NELL1: variants seen among roughly 807,000 people sequenced by gnomAD.
The protein encoded by NELL1 is neural EGFL like 1, also known as protein kinase C-binding protein NELL1.
NELL1 carries 76 observed loss-of-function variants against 107.4 expected under a neutral mutation model. The ratio of observed to expected loss-of-function variants is 0.71; its 90% CI spans 0.59 to 0.86. NELL1 has a LOEUF of 0.86. Among genes scored for constraint, NELL1 ranks in the 40% least tolerant of loss-of-function variants. The pLI is 0.00. For synonymous variants in NELL1, 353 were observed against 341.2 expected (o/e 1.03, Z -0.38); for missense variants, 1,024 against 1,005.5 (o/e 1.02, Z -0.25).
chr11:21,415,660 T>A (rs1229871287), intron 15 of NELL1, among the ~76,000 whole-genome samples: 2 of 152,070 alleles, frequency 1.3e-5, no homozygotes, highest in Non-Finnish European at 2.9e-5. Context: ...GACAGCTGAG[T>A]ACCCAGGCTG....
intron 15 of NELL1, among the ~76,000 whole-genome samples, chr11:21,466,319 G>A (rs1341783709): frequency 2.6e-5 from 4 of 152,094 alleles, no homozygotes. Context: ...TAGGTCTAGA[G>A]GGACATACAG....
At chr11:20,963,852 C>T (rs1299145411) in intron 12 of NELL1, among the ~76,000 whole-genome samples, 1 of 152,100 alleles carries the variant, frequency 6.6e-6, no homozygotes, top group Admixed American at 6.6e-5. Flanking sequence ...ATTGTCCAGG[C>T]CATCTTGAAA....
At chr11:21,256,770 G>T (rs1858779906) in intron 14 of NELL1, among the ~76,000 whole-genome samples, 3 of 152,056 alleles carry the variant, frequency 2.0e-5, no homozygotes, top group Admixed American at 1.3e-4. Flanking sequence ...TGAGTGTCTG[G>T]CTCTCCCAGA....
intron 2 of NELL1, among the ~76,000 whole-genome samples, chr11:20,762,558 T>G (rs555822538): frequency 1.6e-4 from 25 of 152,212 alleles, no homozygotes; most frequent in Non-Finnish European, 2.9e-4. Flanking sequence ...TTTGAAAAAG[T>G]TGCATGGAAC....
intron 5 of NELL1, among the ~76,000 whole-genome samples, chr11:20,898,805 G>C (rs1288377356): frequency 1.3e-5 from 2 of 151,264 alleles, no homozygotes; most frequent in African/African-American, 4.9e-5. Flanking sequence ...CCATATTTTT[G>C]CTTTCACAAG....
chr11:21,489,905 C>A (rs1183926488), intron 15 of NELL1, among the ~76,000 whole-genome samples: 1 of 152,024 alleles, frequency 6.6e-6, no homozygotes, highest in Non-Finnish European at 1.5e-5. Context: ...AAGATGCCCA[C>A]TTACATCAAT....
chr11:21,473,270 C>T (rs1484662677), intron 15 of NELL1, among the ~76,000 whole-genome samples: 1 of 151,892 alleles, frequency 6.6e-6, no homozygotes, highest in Non-Finnish European at 1.5e-5. Context: ...CTGTCATTTC[C>T]TTTATTTCCT....
intron 12 of NELL1, among the ~76,000 whole-genome samples, chr11:21,048,993 A>G (rs910376325): frequency 2.6e-4 from 39 of 152,132 alleles, no homozygotes; most frequent in African/African-American, 9.4e-4. Context: ...AAATGGAAGA[A>G]ACAGAGCAGG....
intron 15 of NELL1, among the ~76,000 whole-genome samples, chr11:21,469,387 C>A (rs1854118956): frequency 6.6e-6 from 1 of 151,982 alleles, no homozygotes; most frequent in East Asian, 1.9e-4. Flanking sequence ...GAGTACCCAT[C>A]CCCACCTAAA....
chr11:21,133,974 C>G (rs1424409390), intron 13 of NELL1, among the ~76,000 whole-genome samples: 1 of 152,244 alleles, frequency 6.6e-6, no homozygotes, highest in Non-Finnish European at 1.5e-5. Context: ...GCCTCCTCCA[C>G]TGCAGCTGAT....
chr11:21,122,817 A>C (rs1001044755), intron 13 of NELL1, among the ~76,000 whole-genome samples: 2 of 152,198 alleles, frequency 1.3e-5, no homozygotes, highest in Admixed American at 6.5e-5. Context: ...TTAAAAAAAA[A>C]CAGAATAACA....
intron 2 of NELL1, among the ~76,000 whole-genome samples, chr11:20,702,936 T>C (rs893635587): frequency 2.0e-5 from 3 of 152,238 alleles, no homozygotes; most frequent in African/African-American, 4.8e-5. Context: ...GATTTTTGCA[T>C]TGATGTTCAT....
In NELL1 at chr11:20,860,620, G is replaced by A. The variant is rs555161489; in HGVS notation, c.506+12867G>A. ...TGTGCTTTATGAATATCAGGCACAA[G>A]GAAAGGTGAAGACGAAGTAATCCTA... On this transcript the variant is annotated intron_variant, in intron 4 of 19. Coordinates refer to ENST00000357134, the MANE Select transcript of NELL1 (RefSeq NM_006157.5). 2.0e-4 allele frequency among the ~76,000 whole-genome samples: 31 copies of A among 152,310 alleles called. No individual in the cohort carries two copies. The South Asian group carries it at 4.4e-3, about 21-fold the overall frequency.
At chr11:21,229,522 C>T (rs1348124236) in intron 14 of NELL1, 68 bp downstream of exon 14, 8 of 1,599,906 alleles carry the variant, frequency 5.0e-6, no homozygotes, top group Non-Finnish European at 6.8e-6. Context: ...ACTTGTGCGT[C>T]GGACCTTCTT....
At chr11:20,863,076 G>A (rs931746074) in intron 4 of NELL1, among the ~76,000 whole-genome samples, 14 of 152,026 alleles carry the variant, frequency 9.2e-5, no homozygotes, top group South Asian at 2.1e-4. Context: ...CACAAAAACC[G>A]CCATCGTCAT....
chr11:20,837,195 A>T (rs1848547463), intron 3 of NELL1, among the ~76,000 whole-genome samples: 2 of 152,276 alleles, frequency 1.3e-5, no homozygotes, highest in South Asian at 4.1e-4. Flanking sequence ...TAATGATATT[A>T]AAACCACTAT....
intron 7 of NELL1, among the ~76,000 whole-genome samples, chr11:20,924,614 A>G (rs1850450957): frequency 6.6e-6 from 1 of 152,186 alleles, no homozygotes; most frequent in African/African-American, 2.4e-5. Flanking sequence ...CTTTTGGGCC[A>G]TTTAGTCCTT....
In NELL1 at chr11:21,128,165, C is replaced by G. The variant is rs16925128; in HGVS notation, c.1426+14451C>G. On this transcript the variant is annotated intron_variant, in intron 13 of 19. Transcript: ENST00000357134. ...ATAGGAGGTTAAAGAGCTCTGTAAT[C>G]TTAATAAATATCGTGATGTTTTAAG... Among the ~76,000 whole-genome samples the G allele has an allele frequency of 7.4e-3, 1,131 of 152,218 alleles. 16 individuals are homozygous for G. The highest frequency in any genetic ancestry group is 0.026 in the African/African-American group (1,062 of 41,536).
chr11:20,835,365 A>G (rs1187325674), intron 3 of NELL1, among the ~76,000 whole-genome samples: 2 of 152,172 alleles, frequency 1.3e-5, no homozygotes, highest in African/African-American at 4.8e-5. Flanking sequence ...CCTTCTTTGC[A>G]TATATGATTT....
Sources: allele counts gnomAD v4.1 joint callset (sites outside exome capture counted in the v4.1 genomes callset), GRCh38; gene constraint gnomAD v4.1.1; transcripts MANE v1.5; gene names NCBI Gene and HGNC (gene_info 2026-07-23, HGNC 2026-07-21).